Variants in TMEM106B observed in about 807,000 individuals in gnomAD.
TMEM106B encodes transmembrane protein 106B.
TMEM106B carries 15 observed loss-of-function variants against 31.1 expected under a neutral mutation model. That is an observed-to-expected ratio of 0.48 (90% CI 0.32 to 0.74). The LOEUF (loss-of-function observed/expected upper bound fraction) is 0.74, where lower values mean the gene tolerates loss of function less well. Ranked by LOEUF, TMEM106B falls within the 30% of genes least tolerant of loss-of-function variation. TMEM106B has a pLI of 0.03. For missense variants in TMEM106B, 283 were observed against 327.3 expected, an observed-to-expected ratio of 0.86 and a Z score of 1.04; for synonymous variants, 126 against 112.5, an observed-to-expected ratio of 1.12 and a Z score of -0.76.
chr7:12,218,670 A>C, intron 3 of TMEM106B, 149 bp downstream of exon 3: 1 of 655,572 alleles, frequency 1.5e-6, no homozygotes, highest in Non-Finnish European at 2.5e-6. Flanking sequence ...TTGTATCCTT[A>C]AACAGACAAG....
chr7:12,240,971 T>A lies in TMEM106B; in HGVS notation c.*8996T>A, dbSNP rs1782229164. The A allele has an allele frequency of 6.6e-6, 1 of 152,202 alleles. No homozygotes were observed. Among genetic ancestry groups the A allele is most frequent in the African/African-American group, 2.4e-5 (1 of 41,450 alleles). The allele number at this position is 152,202 out of a possible 1,614,324, so 9.4% of individuals were successfully genotyped here. A position where few individuals can be genotyped will look rare whatever the true frequency, so the allele number is the denominator to read the frequency against. On this transcript the variant is annotated 3_prime_UTR_variant, in exon 8 of 8. Transcript: ENST00000396668. ...AACATAATTTATAACTAGGCAAATG[T>A]CAGCTTAAATTTATATTTTCTAAAT...
chr7:12,215,460 C>G (rs1022109185), intron 2 of TMEM106B: 1 of 176,750 alleles, frequency 5.7e-6, no homozygotes, highest in Non-Finnish European at 1.3e-5. Context: ...TGGTCTTGAA[C>G]TCCTGTCCTC....
In TMEM106B at chr7:12,229,795, T is replaced by C. The variant is rs907443299; in HGVS notation, c.558T>C (p.Ile186=). The C allele has an allele frequency of 6.2e-7, 1 of 1,606,420 alleles. No individual in the cohort carries two copies. The highest frequency in any genetic ancestry group is 8.5e-7 in the Non-Finnish European group (1 of 1,177,916). The change falls in exon 5 of 8, where the codon ATT becomes ATC. Residue 186 remains isoleucine (I), a synonymous_variant. Coordinates refer to ENST00000396668, the MANE Select transcript of TMEM106B (RefSeq NM_001134232.2). Reference sequence around the variant, plus strand: ...AGGCACGCTTAAACAACATAACCATTATTGGTCCACTTGATATGAAACAAG... The same window carrying C: ...AGGCACGCTTAAACAACATAACCATCATTGGTCCACTTGATATGAAACAAG... ...IGKARLNNIT[I]IGPLDMKQID...
In TMEM106B at chr7:12,242,939, A is replaced by G. The variant is rs1782258953; in HGVS notation, c.*10964A>G. 6.6e-6 allele frequency: 1 copy of G among 152,180 alleles called. No individual in the cohort carries two copies. Among genetic ancestry groups the G allele is most frequent in the South Asian group, 2.1e-4 (1 of 4,838 alleles). 9.4% of individuals were successfully genotyped at this position (152,180 alleles called of 1,614,324 possible). A position where few individuals can be genotyped will look rare whatever the true frequency, so the allele number is the denominator to read the frequency against. The stretch of plus-strand genomic sequence containing the variant: ...TATTTATTGCCTATGTACCTATACT[A>G]GAACATAGTAAACATGAGAACAGGG... On this transcript the variant is annotated 3_prime_UTR_variant, in exon 8 of 8. Transcript: ENST00000396668.
rs1349658875 is a variant in TMEM106B, at chr7:12,234,576, T to A, written c.*2601T>A. 1 of 151,862 alleles carries A rather than the reference T, an allele frequency of 6.6e-6. No homozygotes were observed. Among genetic ancestry groups the A allele is most frequent in the East Asian group, 1.9e-4 (1 of 5,190 alleles). The allele number at this position is 151,862 out of a possible 1,614,324, so 9.4% of individuals were successfully genotyped here. A position where few individuals can be genotyped will look rare whatever the true frequency, so the allele number is the denominator to read the frequency against. The stretch of plus-strand genomic sequence containing the variant: ...GCTTTTAGCTTTTCTTAGGTCAATG[T>A]CCAGTGTGCTTTTTTCCATGGGAAT... On this transcript the variant is annotated 3_prime_UTR_variant, in exon 8 of 8. Coordinates refer to ENST00000396668, the MANE Select transcript of TMEM106B (RefSeq NM_001134232.2).
chr7:12,237,854 C>CA lies in TMEM106B; in HGVS notation c.*5880dup, dbSNP rs1345364970. On this transcript the variant is annotated 3_prime_UTR_variant, in exon 8 of 8. Coordinates refer to ENST00000396668, the MANE Select transcript of TMEM106B (RefSeq NM_001134232.2). ...ACACACACACACACACACACACACA[C>CA]ACTATTGCTAAAAAATGTTAACGAT... 1 of 149,208 alleles carries CA rather than the reference C, an allele frequency of 6.7e-6. No homozygotes were observed. Among genetic ancestry groups the CA allele is most frequent in the East Asian group, 1.9e-4 (1 of 5,182 alleles). The allele number at this position is 149,208 out of a possible 1,614,324, so 9.2% of individuals were successfully genotyped here.
intron 2 of TMEM106B, among the ~76,000 whole-genome samples, chr7:12,218,229 A>G (rs1401107129): frequency 1.4e-5 from 2 of 141,564 alleles, no homozygotes; most frequent in African/African-American, 5.5e-5. Flanking sequence ...GTAAGCCCTC[A>G]TTTGTTATAC....
intron 4 of TMEM106B, among the ~76,000 whole-genome samples, chr7:12,225,715 T>C (rs1168011942): frequency 6.6e-6 from 1 of 151,672 alleles, no homozygotes; most frequent in Non-Finnish European, 1.5e-5. Context: ...TTTGATGGGG[T>C]TGTTTGATTT....
Position 12,231,824 on chromosome 7 carries a change from AC to A in TMEM106B, c.687-12del. 1 of 1,585,748 alleles carries A rather than the reference AC, an allele frequency of 6.3e-7. No homozygotes were observed. The highest frequency in any genetic ancestry group is 1.1e-5 in the South Asian group (1 of 87,834). On this transcript the variant is annotated splice_polypyrimidine_tract_variant and intron_variant, in intron 7 of 7. Transcript: ENST00000396668. ...AACTATTAAATGTCTCTCCTCACTTACATTATTTTTAGAGTTACTGTGACAA... is the reference window on the plus strand; with the variant it reads ...AACTATTAAATGTCTCTCCTCACTTAATTATTTTTAGAGTTACTGTGACAA...
rs1049535794 is a variant in TMEM106B at position 12,240,657 on chromosome 7, A to C, written c.*8682A>C. ...TTCTCAAGGGAGAAGAATCATTAAT[A>C]AGTTTGTGAGGCTTTTTTTTTTTTT... is the stretch of plus-strand genomic sequence containing the variant. On this transcript the variant is annotated 3_prime_UTR_variant, in exon 8 of 8. Coordinates refer to ENST00000396668, the MANE Select transcript of TMEM106B (RefSeq NM_001134232.2). The C allele has an allele frequency of 6.6e-6, 1 of 150,742 alleles. No homozygotes were observed. Among genetic ancestry groups the C allele is most frequent in the African/African-American group, 2.4e-5 (1 of 41,122 alleles). 9.3% of individuals were successfully genotyped at this position (150,742 alleles called of 1,614,324 possible).
At chr7:12,218,393 G>T (rs1781728339) in intron 2 of TMEM106B, 65 bp from the exon 3 acceptor site, 3 of 1,369,410 alleles carry the variant, frequency 2.2e-6, no homozygotes, top group East Asian at 4.7e-5. Flanking sequence ...ACCAGATTGT[G>T]ATGGGGAGCC....
chr7:12,212,122 C>G (rs1160280647), intron 1 of TMEM106B, among the ~76,000 whole-genome samples: 1 of 152,190 alleles, frequency 6.6e-6, no homozygotes, highest in Non-Finnish European at 1.5e-5. Context: ...TGTCCAAACA[C>G]CTACCCTAAA....
chr7:12,211,547 G>A (rs1434245049), intron 1 of TMEM106B, 122 bp downstream of exon 1: 1 of 152,678 alleles, frequency 6.5e-6, no homozygotes, highest in East Asian at 1.9e-4. Context: ...GCCAGCCGCA[G>A]GTACGGCGGC....
At position 12,238,680 on chromosome 7, in the gene TMEM106B, A is replaced by ATTAATCTATTTGT. The variant is rs1782187071; in HGVS notation, c.*6705_*6706insTTAATCTATTTGT. On this transcript the variant is annotated 3_prime_UTR_variant, in exon 8 of 8. Coordinates refer to ENST00000396668, the MANE Select transcript of TMEM106B (RefSeq NM_001134232.2). ...ACGTTGTGTTAAGAGGCATGAAAACAACATTAATCTATTTGTACATCATCA... is the reference window on the plus strand; with the variant it reads ...ACGTTGTGTTAAGAGGCATGAAAACATTAATCTATTTGTACATTAATCTATTTGTACATCATCA... 6.6e-6 allele frequency: 1 copy of ATTAATCTATTTGT among 152,192 alleles called. No homozygotes were observed. Among genetic ancestry groups the ATTAATCTATTTGT allele is most frequent in the Non-Finnish European group, 1.5e-5 (1 of 68,026 alleles). 9.4% of individuals were successfully genotyped at this position (152,192 alleles called of 1,614,324 possible).
At chr7:12,231,730 C>A in intron 7 of TMEM106B, 107 bp from the exon 8 acceptor site, 2 of 896,448 alleles carry the variant, frequency 2.2e-6, no homozygotes, top group Non-Finnish European at 3.3e-6. Flanking sequence ...TATCATTAAT[C>A]AAATATTCTC....
intron 4 of TMEM106B, 61 bp downstream of exon 4, chr7:12,224,446 C>G: frequency 7.1e-7 from 1 of 1,398,922 alleles, no homozygotes; most frequent in Non-Finnish European, 9.9e-7. Context: ...TAAGCAGCAC[C>G]TTTGTCCCCA....
rs2128530461 is a variant in TMEM106B, at chr7:12,242,482, ATAAATC to A, written c.*10512_*10517del. The A allele has an allele frequency of 6.6e-6, 1 of 152,180 alleles. No homozygotes were observed. The highest frequency in any genetic ancestry group is 1.5e-5 in the Non-Finnish European group (1 of 67,992). 9.4% of individuals were successfully genotyped at this position (152,180 alleles called of 1,614,324 possible). On this transcript the variant is annotated 3_prime_UTR_variant, in exon 8 of 8. Coordinates refer to ENST00000396668, the MANE Select transcript of TMEM106B (RefSeq NM_001134232.2). ...CTTGTTAACATTTTTTTATTTTAGA[ATAAATC>A]TAAACAGAGACCACACTGATATCTG...
Position 12,238,566 on chromosome 7 carries a change from C to T in TMEM106B, c.*6591C>T, listed in dbSNP as rs1360550182. ...CCAGATCCATCAGAGGAATCACTAC[C>T]TATGACAGCTATGGTCTTACAAAAT... On this transcript the variant is annotated 3_prime_UTR_variant, in exon 8 of 8. Transcript: ENST00000396668. 6.6e-6 allele frequency: 1 copy of T among 152,158 alleles called. No individual in the cohort carries two copies. Among genetic ancestry groups the T allele is most frequent in the Non-Finnish European group, 1.5e-5 (1 of 68,064 alleles). The allele number at this position is 152,158 out of a possible 1,614,324, so 9.4% of individuals were successfully genotyped here.
intron 1 of TMEM106B, among the ~76,000 whole-genome samples, chr7:12,213,877 A>G (rs1362496363): frequency 6.6e-6 from 1 of 152,220 alleles, no homozygotes; most frequent in Non-Finnish European, 1.5e-5. Flanking sequence ...ATTCCAAAGT[A>G]AACCTAAAAA....
Sources: allele counts gnomAD v4.1 joint callset (sites outside exome capture counted in the v4.1 genomes callset), GRCh38; gene constraint gnomAD v4.1.1; transcripts MANE v1.5; gene names NCBI Gene and HGNC (gene_info 2026-07-23, HGNC 2026-07-21).